The following ASTN2 variants were observed in gnomAD, a reference collection of about 807,000 sequenced individuals.
The protein encoded by ASTN2 is astrotactin 2, also known as astrotactin-2.
A neutral mutation model predicts 139.8 loss-of-function variants in ASTN2; 54 were observed. That is an observed-to-expected ratio of 0.39 (90% CI 0.31 to 0.48). ASTN2 has a LOEUF of 0.48. Among genes scored for constraint, ASTN2 ranks in the 20% least tolerant of loss-of-function variants. The pLI is 0.95. For synonymous variants in ASTN2, 756 were observed against 719.5 expected, an observed-to-expected ratio of 1.05 and a Z score of -0.81; for missense variants, 1,565 against 1,725.1, an observed-to-expected ratio of 0.91 and a Z score of 1.64.
intron 13 of ASTN2, among the ~76,000 whole-genome samples, chr9:116,772,643 C>G (rs1829984279): frequency 6.6e-6 from 1 of 152,160 alleles, no homozygotes; most frequent in African/African-American, 2.4e-5. Context: ...CCTTAAAAGA[C>G]TCTGTCAGCC....
At chr9:117,378,507 A>G (rs1230401634) in intron 1 of ASTN2, among the ~76,000 whole-genome samples, 2 of 152,162 alleles carry the variant, frequency 1.3e-5, no homozygotes, top group Non-Finnish European at 2.9e-5. Flanking sequence ...TGAAGAAAAC[A>G]CCATTCTCAG....
intron 17 of ASTN2, among the ~76,000 whole-genome samples, chr9:116,631,579 G>A (rs933420152): frequency 2.0e-5 from 3 of 152,132 alleles, no homozygotes; most frequent in African/African-American, 7.2e-5. Context: ...AAGAGAGAGA[G>A]AGGGGGATGA....
At chr9:116,614,666 C>T (rs903887584) in intron 19 of ASTN2, among the ~76,000 whole-genome samples, 7 of 152,172 alleles carry the variant, frequency 4.6e-5, no homozygotes, top group Admixed American at 4.6e-4. Context: ...AACTGGCTAG[C>T]CATATGTAGA....
chr9:116,748,979 C>T (rs932820344), intron 13 of ASTN2, among the ~76,000 whole-genome samples: 30 of 152,152 alleles, frequency 2.0e-4, no homozygotes, highest in African/African-American at 6.3e-4. Flanking sequence ...TCTCTCTCAC[C>T]TTTTTGGAAG....
chr9:117,204,864 T>G (rs368291922), intron 3 of ASTN2, among the ~76,000 whole-genome samples: 21 of 152,284 alleles, frequency 1.4e-4, no homozygotes, highest in African/African-American at 5.1e-4. Flanking sequence ...TAGGAAGATG[T>G]TTTCTGCCTT....
chr9:116,453,581 G>A (rs563921963), intron 20 of ASTN2, among the ~76,000 whole-genome samples: 3 of 107,692 alleles, frequency 2.8e-5, no homozygotes, highest in East Asian at 3.6e-4. Flanking sequence ...GCAAAAGTGC[G>A]AGACTCCGTC....
At position 116,999,368 on chromosome 9, in the gene ASTN2, T is replaced by G. The variant is rs73517433; in HGVS notation, c.1591+8724A>C. Among the ~76,000 whole-genome samples the G allele has an allele frequency of 7.0e-3, 1,064 of 152,176 alleles. 19 individuals are homozygous for G. Among genetic ancestry groups the G allele is most frequent in the African/African-American group, 0.024 (1,007 of 41,514 alleles). On this transcript the variant is annotated intron_variant, in intron 7 of 22. Coordinates refer to ENST00000313400, the MANE Select transcript of ASTN2 (RefSeq NM_001365068.1). ...ATTACACTAGATGATGGCTAGGAAC[T>G]CTTCTTGCACTAAAAGTATGTCCCC...
rs114711771 is a variant in ASTN2 at position 117,103,117 on chromosome 9, T to G, written c.1169-6966A>C. ...TGTTCACCTAAAATCATCACAATAC[T>G]CACTCATTTGTTTATGCATTCTTTA... On this transcript the variant is annotated intron_variant, in intron 4 of 22. Coordinates refer to ENST00000313400, the MANE Select transcript of ASTN2 (RefSeq NM_001365068.1). Among the ~76,000 whole-genome samples the G allele has an allele frequency of 4.0e-3, 613 of 152,264 alleles. 5 individuals are homozygous for G. The highest frequency in any genetic ancestry group is 0.014 in the African/African-American group (592 of 41,538).
intron 17 of ASTN2, among the ~76,000 whole-genome samples, chr9:116,623,147 CTGTGTGTG>C (rs10527124): frequency 0.17 from 22,608 of 136,234 alleles, 2,105 homozygotes; most frequent in Non-Finnish European, 0.21. Context: ...AGAGCATACT[CTGTGTGTG>C]TGTGTGTGTG....
At position 116,739,049 on chromosome 9, in the gene ASTN2, C is replaced by G. The variant is rs944851389; in HGVS notation, c.2397-5526G>C. ...ACACACACACAAACACACAGATAAGCATCTGCCAAATTTATCTATAAAAAC... is the reference window on the plus strand; with the variant it reads ...ACACACACACAAACACACAGATAAGGATCTGCCAAATTTATCTATAAAAAC... On this transcript the variant is annotated intron_variant, in intron 13 of 22. Coordinates refer to ENST00000313400, the MANE Select transcript of ASTN2 (RefSeq NM_001365068.1). Among the ~76,000 whole-genome samples the G allele has an allele frequency of 2.6e-5, 4 of 151,978 alleles. No individual in the cohort carries two copies. The South Asian group carries it at 8.3e-4, about 32-fold the overall frequency.
chr9:116,856,029 T>C (rs952540885), intron 11 of ASTN2, among the ~76,000 whole-genome samples: 2 of 152,202 alleles, frequency 1.3e-5, no homozygotes, highest in Non-Finnish European at 2.9e-5. Flanking sequence ...CCTATTTGAC[T>C]AGAGGATACT....
chr9:116,437,507 G>A (rs1455960823), intron 22 of ASTN2: 1 of 471,258 alleles, frequency 2.1e-6, no homozygotes, highest in African/African-American at 2.0e-5. Flanking sequence ...AACCATTACT[G>A]AGTGGATTGC....
chr9:117,035,722 A>G (rs1838366127), intron 6 of ASTN2, among the ~76,000 whole-genome samples: 1 of 152,144 alleles, frequency 6.6e-6, no homozygotes. Flanking sequence ...GGGGAAGGTG[A>G]GCTTGATTGG....
At chr9:117,072,061 T>C (rs1028074841) in intron 5 of ASTN2, among the ~76,000 whole-genome samples, 2 of 152,152 alleles carry the variant, frequency 1.3e-5, no homozygotes, top group Admixed American at 6.5e-5. Context: ...GATTAAGACA[T>C]TGAATCCAAT....
intron 4 of ASTN2, among the ~76,000 whole-genome samples, chr9:117,120,018 G>GTATGTATATATATATATATATATATATA (rs1554780401): frequency 2.2e-5 from 1 of 45,998 alleles, no homozygotes; most frequent in Non-Finnish European, 3.9e-5. Flanking sequence ...GTGTGTGTGT[G>GTATGTATATATATATATATATATATATA]TATATATATA....
intron 11 of ASTN2, among the ~76,000 whole-genome samples, chr9:116,851,380 T>C (rs1005380295): frequency 3.3e-5 from 5 of 152,140 alleles, no homozygotes; most frequent in African/African-American, 1.2e-4. Flanking sequence ...TGGGTGATGG[T>C]TTAGGTGAGA....
At chr9:117,253,314 C>A (rs1033903902) in intron 2 of ASTN2, among the ~76,000 whole-genome samples, 2 of 152,138 alleles carry the variant, frequency 1.3e-5, no homozygotes, top group Non-Finnish European at 2.9e-5. Context: ...AGCAGAGGAG[C>A]AAAGGAGGTG....
intron 5 of ASTN2, among the ~76,000 whole-genome samples, chr9:117,040,259 G>T (rs1379005905): frequency 2.0e-5 from 3 of 152,040 alleles, no homozygotes; most frequent in Non-Finnish European, 4.4e-5. Flanking sequence ...CAATTCGGTT[G>T]GTCATTCTTG....
chr9:117,193,892 T>C (rs575461363), intron 3 of ASTN2, among the ~76,000 whole-genome samples: 24 of 152,278 alleles, frequency 1.6e-4, no homozygotes, highest in African/African-American at 5.1e-4. Flanking sequence ...AACTGGCATC[T>C]GGGGCCTCAG....
Sources: gnomAD v4.1 joint callset for allele counts (sites outside exome capture counted in the v4.1 genomes callset) on GRCh38, gnomAD v4.1.1 for gene constraint, MANE v1.5 for transcripts, NCBI Gene and HGNC (gene_info 2026-07-23, HGNC 2026-07-21) for gene names.